LHFPL3: variants seen among roughly 807,000 people sequenced by gnomAD.
LHFPL3 encodes the protein LHFPL tetraspan subfamily member 3.
Under a neutral mutation model 19.3 loss-of-function variants are expected in LHFPL3, and 5 were observed. The observed-to-expected ratio is 0.26, with a 90% confidence interval of 0.14 to 0.54. The LOEUF is 0.54. Among genes scored for constraint, LHFPL3 ranks in the 20% least tolerant of loss-of-function variants. LHFPL3 has a pLI of 0.94. For synonymous variants in LHFPL3, 133 were observed against 126.2 expected (o/e 1.05, Z -0.36); for missense variants, 249 against 307.4 (o/e 0.81, Z 1.42).
chr7:104,414,392 G>A (rs967484747), intron 1 of LHFPL3, among the ~76,000 whole-genome samples: 4 of 152,202 alleles, frequency 2.6e-5, no homozygotes, highest in Admixed American at 1.3e-4. Context: ...GCATTCTGTA[G>A]AAGGACAACA....
intron 1 of LHFPL3, among the ~76,000 whole-genome samples, chr7:104,400,702 C>T (rs1245451966): frequency 6.6e-6 from 1 of 152,222 alleles, no homozygotes; most frequent in African/African-American, 2.4e-5. Context: ...TACCCCTCAG[C>T]ATGATCTAAA....
intron 2 of LHFPL3, among the ~76,000 whole-genome samples, chr7:104,758,994 A>C (rs770590847): frequency 2.0e-5 from 3 of 152,198 alleles, no homozygotes; most frequent in Non-Finnish European, 2.9e-5. Flanking sequence ...AATTTCACAA[A>C]TGTTTCTCTC....
intron 1 of LHFPL3, among the ~76,000 whole-genome samples, chr7:104,485,346 A>T (rs896986817): frequency 1.3e-5 from 2 of 152,102 alleles, no homozygotes; most frequent in African/African-American, 4.8e-5. Flanking sequence ...ATGATGAATT[A>T]TATTAATATA....
intron 1 of LHFPL3, among the ~76,000 whole-genome samples, chr7:104,458,017 C>T (rs1241380105): frequency 3.0e-4 from 45 of 149,648 alleles, no homozygotes; most frequent in African/African-American, 1.0e-3. Flanking sequence ...GGATATTAGC[C>T]CTTTGTCAGA....
chr7:104,556,222 G>A (rs2115925959), intron 1 of LHFPL3, among the ~76,000 whole-genome samples: 1 of 152,346 alleles, frequency 6.6e-6, no homozygotes, highest in Admixed American at 6.5e-5. Flanking sequence ...CAGTGCCCCA[G>A]TAAGGAATCT....
Position 104,907,050 on chromosome 7 carries a change from C to T in LHFPL3, c.*835C>T, listed in dbSNP as rs1032033488. 8.5e-5 allele frequency: 13 copies of T among 152,664 alleles called. No individual in the cohort carries two copies. Among genetic ancestry groups the T allele is most frequent in the Non-Finnish European group, 1.3e-4 (9 of 67,986 alleles). 9.5% of individuals were successfully genotyped at this position (152,664 alleles called of 1,614,324 possible). ...AGTTCATTTTCACCTTGGAAGCTCA[C>T]GTGTAATATTATAGGCTACTATCAA... On this transcript the variant is annotated 3_prime_UTR_variant, in exon 3 of 3. Coordinates refer to ENST00000424859, the MANE Select transcript of LHFPL3 (RefSeq NM_199000.3).
At chr7:104,896,050 T>A (rs949913079) in intron 2 of LHFPL3, 1 of 152,244 alleles carries the variant, frequency 6.6e-6, no homozygotes, top group Non-Finnish European at 1.5e-5. Flanking sequence ...CATGCGCACC[T>A]GGTATTTCTT....
intron 2 of LHFPL3, among the ~76,000 whole-genome samples, chr7:104,854,141 A>T (rs1791458713): frequency 6.6e-6 from 1 of 152,214 alleles, no homozygotes. Flanking sequence ...ACCCAGAGAC[A>T]TGAGCAAATT....
At chr7:104,689,560 G>T (rs113273114) in intron 1 of LHFPL3, among the ~76,000 whole-genome samples, 1 of 152,094 alleles carries the variant, frequency 6.6e-6, no homozygotes, top group Admixed American at 6.5e-5. Context: ...GGGGACACTG[G>T]GTCCCCTTAA....
At chr7:104,444,955 T>G (rs1792300428) in intron 1 of LHFPL3, among the ~76,000 whole-genome samples, 1 of 151,824 alleles carries the variant, frequency 6.6e-6, no homozygotes, top group South Asian at 2.1e-4. Context: ...GCCATTGCAT[T>G]CCAGCCTGGG....
chr7:104,616,891 A>G (rs1791356436), intron 1 of LHFPL3, among the ~76,000 whole-genome samples: 1 of 152,206 alleles, frequency 6.6e-6, no homozygotes, highest in South Asian at 2.1e-4. Flanking sequence ...AAACAAACAT[A>G]TGAAAAAAAA....
intron 1 of LHFPL3, among the ~76,000 whole-genome samples, chr7:104,494,241 G>C (rs972373594): frequency 6.6e-6 from 1 of 152,030 alleles, no homozygotes; most frequent in Admixed American, 6.6e-5. Context: ...TAATATCTGC[G>C]TACTTCAGTA....
chr7:104,890,892 A>G (rs1277916069), intron 2 of LHFPL3, among the ~76,000 whole-genome samples: 1 of 152,180 alleles, frequency 6.6e-6, no homozygotes, highest in East Asian at 1.9e-4. Flanking sequence ...ACAGAACCAC[A>G]GCACCATGAA....
At chr7:104,396,039 C>T (rs1026262638) in intron 1 of LHFPL3, among the ~76,000 whole-genome samples, 1 of 152,134 alleles carries the variant, frequency 6.6e-6, no homozygotes, top group African/African-American at 2.4e-5. Context: ...TGGAAGATCA[C>T]CCAGACAGCT....
intron 1 of LHFPL3, among the ~76,000 whole-genome samples, chr7:104,636,011 T>TA (rs1791723089): frequency 6.6e-6 from 1 of 151,884 alleles, no homozygotes; most frequent in Non-Finnish European, 1.5e-5. Context: ...TCTGAGTAAA[T>TA]AAAAAAGACA....
At chr7:104,838,333 T>C (rs59814386) in intron 2 of LHFPL3, among the ~76,000 whole-genome samples, 32,887 of 152,170 alleles carry the variant, frequency 0.22, 3,839 homozygotes, top group South Asian at 0.39. Context: ...CTTCCATCTC[T>C]GCTCCTAACC....
At chr7:104,512,349 G>A (rs887388406) in intron 1 of LHFPL3, among the ~76,000 whole-genome samples, 1 of 152,094 alleles carries the variant, frequency 6.6e-6, no homozygotes, top group Non-Finnish European at 1.5e-5. Flanking sequence ...TTACTACCAT[G>A]GGTCAGACAT....
At chr7:104,413,730 C>T (rs1013872036) in intron 1 of LHFPL3, among the ~76,000 whole-genome samples, 3 of 152,184 alleles carry the variant, frequency 2.0e-5, no homozygotes, top group Non-Finnish European at 4.4e-5. Flanking sequence ...AACCATCATG[C>T]ATTCTTCTAC....
intron 1 of LHFPL3, among the ~76,000 whole-genome samples, chr7:104,657,519 T>A (rs1263488031): frequency 6.6e-6 from 1 of 152,272 alleles, no homozygotes; most frequent in East Asian, 1.9e-4. Context: ...ATGCCTAATA[T>A]GTGTAGAGAT....
Sources: gnomAD v4.1 joint callset for allele counts (sites outside exome capture counted in the v4.1 genomes callset) on GRCh38, gnomAD v4.1.1 for gene constraint, MANE v1.5 for transcripts, NCBI Gene and HGNC (gene_info 2026-07-23, HGNC 2026-07-21) for gene names.